The following DNAH5 variants were observed in gnomAD, a reference collection of about 807,000 sequenced individuals.
DNAH5 encodes axonemal beta dynein heavy chain 5.
In DNAH5, 372 loss-of-function variants were observed where a neutral mutation model predicts 518.2. That is an observed-to-expected ratio of 0.72 (90% confidence interval 0.66 to 0.78). The LOEUF (loss-of-function observed/expected upper bound fraction) is 0.78, where lower values mean the gene tolerates loss of function less well. Ranked by LOEUF, DNAH5 falls within the 30% of genes least tolerant of loss-of-function variation. The probability of loss-of-function intolerance (pLI) is 0.00; values close to 1 mark genes in which losing one functional copy is unlikely to be tolerated. For missense variants in DNAH5, 5,523 were observed against 5,687.0 expected (o/e 0.97, Z 0.93); for synonymous variants, 2,039 against 2,025.9 (o/e 1.01, Z -0.17).
chr5:13,887,331 T>C (rs1772572702), intron 17 of DNAH5, among the ~76,000 whole-genome samples: 1 of 152,216 alleles, frequency 6.6e-6, no homozygotes. Context: ...TCTTTCTCTC[T>C]GTGAGAAGGC....
intron 1 of DNAH5, among the ~76,000 whole-genome samples, chr5:13,997,175 C>A (rs1784025701): frequency 6.6e-6 from 1 of 152,206 alleles, no homozygotes; most frequent in Non-Finnish European, 1.5e-5. Context: ...TTTTTACAGG[C>A]TAAGAATTTT....
At chr5:13,923,567 C>A (rs1580910913) in intron 3 of DNAH5, 127 bp from the exon 4 acceptor site, 5 of 974,174 alleles carry the variant, frequency 5.1e-6, no homozygotes, top group Non-Finnish European at 7.9e-6. Flanking sequence ...GATGGGTCCA[C>A]CTCTTGAACA....
intron 36 of DNAH5, among the ~76,000 whole-genome samples, 185 bp from the exon 37 acceptor site, chr5:13,830,398 C>G (rs1763488989): frequency 7.0e-6 from 1 of 142,318 alleles, no homozygotes; most frequent in Non-Finnish European, 1.5e-5. Flanking sequence ...CTGTAAACAC[C>G]CAAGATAAAG....
intron 1 of DNAH5, among the ~76,000 whole-genome samples, chr5:13,970,848 G>C (rs979680495): frequency 6.6e-6 from 1 of 152,124 alleles, no homozygotes; most frequent in Non-Finnish European, 1.5e-5. Flanking sequence ...CAAGACCAGG[G>C]AAGTTTACCT....
intron 47 of DNAH5, among the ~76,000 whole-genome samples, chr5:13,804,859 GATA>G: frequency 6.6e-6 from 1 of 152,172 alleles, no homozygotes; most frequent in Non-Finnish European, 1.5e-5. Flanking sequence ...AGGTTTTCTA[GATA>G]ACATATGGCT....
intron 1 of DNAH5, among the ~76,000 whole-genome samples, chr5:13,967,614 C>A (rs1781610364): frequency 6.6e-6 from 1 of 152,120 alleles, no homozygotes; most frequent in Non-Finnish European, 1.5e-5. Context: ...TAATGTGATG[C>A]CTCCAGATTT....
At chr5:13,914,379 T>G in intron 10 of DNAH5, 141 bp downstream of exon 10, 1 of 1,071,672 alleles carries the variant, frequency 9.3e-7, no homozygotes, top group South Asian at 1.6e-5. Context: ...GAAGGTATAT[T>G]AACATTCCAT....
In DNAH5 at chr5:13,858,565, AT is replaced by A. The variant is rs1280427641; in HGVS notation, c.4950+886del. ...ACATGTATCCCAGAACTTAAATATA[AT>A]TTAAAAAAAAAATCCAAACCTCCTA... On this transcript the variant is annotated intron_variant, in intron 30 of 78. Coordinates refer to ENST00000265104, the MANE Select transcript of DNAH5 (RefSeq NM_001369.3). Among the ~76,000 whole-genome samples, 19 of 4,444 alleles carry A rather than the reference AT, an allele frequency of 4.3e-3. No individual in the cohort carries two copies. The East Asian group carries it at 0.33, about 76-fold the overall frequency. The allele number at this position is 4,444 out of a possible 152,430, so 2.9% of individuals were successfully genotyped here. A position where few individuals can be genotyped will look rare whatever the true frequency, so the allele number is the denominator to read the frequency against.
intron 15 of DNAH5, chr5:13,896,738 A>C (rs1050690294): frequency 6.6e-6 from 1 of 152,182 alleles, no homozygotes; most frequent in Non-Finnish European, 1.5e-5. Flanking sequence ...CTCATCTTTC[A>C]CTGAAAGGTA....
intron 1 of DNAH5, among the ~76,000 whole-genome samples, chr5:13,976,710 T>TATATATATACAC (rs780402172): frequency 3.8e-5 from 5 of 133,108 alleles, no homozygotes; most frequent in East Asian, 4.7e-4. Flanking sequence ...TATATATATA[T>TATATATATACAC]ACACACACAC....
intron 52 of DNAH5, among the ~76,000 whole-genome samples, chr5:13,783,543 G>A (rs1388702634): frequency 6.6e-6 from 1 of 152,142 alleles, no homozygotes; most frequent in Non-Finnish European, 1.5e-5. Flanking sequence ...GCAGCCCGTT[G>A]TTCTGGATCA....
At chr5:13,931,590 AT>A (rs1412227125) in intron 1 of DNAH5, among the ~76,000 whole-genome samples, 1 of 152,200 alleles carries the variant, frequency 6.6e-6, no homozygotes, top group Non-Finnish European at 1.5e-5. Flanking sequence ...AGAGATCTCC[AT>A]TTTTGTAAAC....
rs143487620 is a variant in DNAH5, at chr5:13,789,952, C to G, written c.8449-1038G>C. Among the ~76,000 whole-genome samples, 524 of 152,208 alleles carry G rather than the reference C, an allele frequency of 3.4e-3. 1 individual carries two copies. Among genetic ancestry groups the G allele is most frequent in the African/African-American group, 0.012 (503 of 41,546 alleles). On this transcript the variant is annotated intron_variant, in intron 50 of 78. Transcript: ENST00000265104. ...TGGCCAAGAAACATATGAAAAGAAG[C>G]TCAACATCACTCATCATTAGAGAAA...
At chr5:13,713,915 A>T (rs1743951163) in intron 75 of DNAH5, among the ~76,000 whole-genome samples, 1 of 152,204 alleles carries the variant, frequency 6.6e-6, no homozygotes, top group African/African-American at 2.4e-5. Context: ...TTGCTTAGAA[A>T]CTACTTACAT....
At chr5:13,941,600 T>G (rs1441836242) in intron 1 of DNAH5, among the ~76,000 whole-genome samples, 2 of 152,214 alleles carry the variant, frequency 1.3e-5, no homozygotes, top group African/African-American at 4.8e-5. Context: ...GCAAAGGTTC[T>G]TTCTGTCTTG....
chr5:13,964,731 T>C (rs1348615580), intron 1 of DNAH5, among the ~76,000 whole-genome samples: 3 of 152,314 alleles, frequency 2.0e-5, no homozygotes, highest in East Asian at 1.9e-4. Context: ...TGAGCAGAAG[T>C]TGGGGATACA....
chr5:13,716,737 T>C, intron 73 of DNAH5, 47 bp from the exon 74 acceptor site: 1 of 1,349,538 alleles, frequency 7.4e-7, no homozygotes, highest in Non-Finnish European at 1.1e-6. Context: ...TACCGTTGCA[T>C]TATTATTTCC....
intron 1 of DNAH5, among the ~76,000 whole-genome samples, chr5:14,001,791 A>C (rs1288662010): frequency 6.6e-6 from 1 of 152,076 alleles, no homozygotes; most frequent in Non-Finnish European, 1.5e-5. Context: ...ACAGCTAAGC[A>C]CATTGTGTAA....
intron 65 of DNAH5, among the ~76,000 whole-genome samples, chr5:13,742,588 C>T (rs375187229): frequency 9.2e-5 from 14 of 152,036 alleles, no homozygotes; most frequent in African/African-American, 2.7e-4. Flanking sequence ...AACATAGTAA[C>T]GATGTATACA....
Sources: gnomAD v4.1 joint callset for allele counts (sites outside exome capture counted in the v4.1 genomes callset) on GRCh38, gnomAD v4.1.1 for gene constraint, MANE v1.5 for transcripts, NCBI Gene and HGNC (gene_info 2026-07-23, HGNC 2026-07-21) for gene names.